The following HTT variants were observed in gnomAD, a reference collection of about 807,000 sequenced individuals.
The protein encoded by HTT is huntington disease protein.
In HTT, 104 loss-of-function variants were observed where a neutral mutation model predicts 362.3. The observed-to-expected ratio is 0.29, with a 90% CI of 0.24 to 0.34. The LOEUF (loss-of-function observed/expected upper bound fraction) is 0.34. HTT is among the 10% of genes least tolerant of loss of function. The pLI is 1.00. For missense variants in HTT, 3,301 were observed against 3,928.6 expected (o/e 0.84, Z 4.27); for synonymous variants, 1,577 against 1,548.7 (o/e 1.02, Z -0.43).
Position 3,222,460 on chromosome 4 carries a change from G to T in HTT, c.7443G>T (p.Val2481=). The change falls in exon 54 of 67, where the codon GTG becomes GTT. Residue 2481 remains valine, a synonymous_variant. Coordinates refer to ENST00000355072, the MANE Select transcript of HTT (RefSeq NM_001388492.1). The part of the protein sequence containing the change: ...LLGVLVTQPL[V]MEQEESPPEE... ...GTGTCCTGGTGACGCAGCCCCTCGT[G>T]ATGGAGCAGGAGGAGAGCCCACCAG... 2 of 1,614,148 alleles carry T rather than the reference G, an allele frequency of 1.2e-6. No individual in the cohort carries two copies. The highest frequency in any genetic ancestry group is 1.7e-6 in the Non-Finnish European group (2 of 1,180,050).
In HTT at chr4:3,175,149, T is replaced by C. The variant is rs1718181648; in HGVS notation, c.4407+42T>C. On this transcript the variant is annotated intron_variant, in intron 33 of 66. Transcript: ENST00000355072. ...TTTCATCCATCATACCTGTTCCTAA[T>C]TTAGTACAAATTACCCTAAAAGACA... is the stretch of plus-strand genomic sequence containing the variant. 4 of 1,551,566 alleles carry C rather than the reference T, an allele frequency of 2.6e-6. No homozygotes were observed. The African/African-American group carries it at 5.5e-5, about 21-fold the overall frequency.
intron 6 of HTT, among the ~76,000 whole-genome samples, chr4:3,111,193 C>CTTTTT (rs1161560027): frequency 3.7e-5 from 5 of 134,806 alleles, no homozygotes; most frequent in Non-Finnish European, 8.1e-5. Flanking sequence ...ATTTTCTTTA[C>CTTTTT]TTTTTTTTTT....
intron 18 of HTT, among the ~76,000 whole-genome samples, chr4:3,133,936 C>G (rs1159771495): frequency 6.6e-6 from 1 of 152,006 alleles, no homozygotes; most frequent in Non-Finnish European, 1.5e-5. Context: ...CCCCTGGGTG[C>G]TTGGGGCTGC....
At chr4:3,209,742 C>T (rs1484006286) in intron 46 of HTT, 85 bp from the exon 47 acceptor site, 4 of 1,549,626 alleles carry the variant, frequency 2.6e-6, no homozygotes, top group Non-Finnish European at 2.6e-6. Context: ...TTCCCAAGCA[C>T]TGGCCTAGGC....
At chr4:3,109,350 C>A (rs79156783) in intron 6 of HTT, among the ~76,000 whole-genome samples, 1 of 114,632 alleles carries the variant, frequency 8.7e-6, no homozygotes, top group African/African-American at 3.8e-5. Flanking sequence ...CCTCAGCCTC[C>A]TAGTAGCTGG....
At chr4:3,137,038 G>T (rs1184230729) in intron 21 of HTT, among the ~76,000 whole-genome samples, 6 of 151,678 alleles carry the variant, frequency 4.0e-5, no homozygotes, top group Non-Finnish European at 7.4e-5. Flanking sequence ...CTCCCGAGTA[G>T]CTGGGATTAC....
rs1553909074 is a variant in HTT, at chr4:3,074,966, G to GCCGCCT, written c.143_144insGCCTCC (p.Pro48_Pro49dup). 99 of 1,450,536 alleles carry GCCGCCT rather than the reference G, an allele frequency of 6.8e-5. 2 individuals carry two copies. In the African/African-American group the frequency reaches 1.3e-3, roughly 20 times the overall value. The allele number at this position is 1,450,536 out of a possible 1,614,324, so 89.9% of individuals were successfully genotyped here. A position where few individuals can be genotyped will look rare whatever the true frequency, so the allele number is the denominator to read the frequency against. ...CGCCACCGCCGCCGCCGCCGCCGCC[G>GCCGCCT]CCTCCTCAGCTTCCTCAGCCGCCGC... On this transcript the variant is annotated inframe_insertion, in exon 1 of 67. Transcript: ENST00000355072.
chr4:3,226,572 C>G (rs1445275319), intron 57 of HTT, among the ~76,000 whole-genome samples: 1 of 152,226 alleles, frequency 6.6e-6, no homozygotes, highest in African/African-American at 2.4e-5. Flanking sequence ...CTGTGCTGGC[C>G]GACTTGCACC....
At chr4:3,152,600 A>G (rs10155264) in intron 26 of HTT, among the ~76,000 whole-genome samples, 20,912 of 152,106 alleles carry the variant, frequency 0.14, 1,805 homozygotes, top group African/African-American at 0.25. Flanking sequence ...CTGTGACTCT[A>G]CGTCTTCTGG....
At chr4:3,116,388 G>A (rs185766680) in intron 8 of HTT, 125 bp downstream of exon 8, 10 of 781,740 alleles carry the variant, frequency 1.3e-5, no homozygotes, top group East Asian at 2.7e-5. Flanking sequence ...TGCGCTGCTC[G>A]TTTCCAACCC....
chr4:3,172,873 G>A (rs372306097), intron 30 of HTT, 35 bp from the exon 31 acceptor site: 23 of 1,403,380 alleles, frequency 1.6e-5, no homozygotes, highest in Admixed American at 1.2e-4. Flanking sequence ...TGTTGTTCAC[G>A]CCACATTGTT....
chr4:3,236,124 T>G (rs750113865), intron 63 of HTT, 25 bp from the exon 64 acceptor site: 2 of 1,555,314 alleles, frequency 1.3e-6, no homozygotes, highest in Non-Finnish European at 1.8e-6. Context: ...AGAGGTAACC[T>G]TCGTACTGAA....
At chr4:3,089,103 T>TTGAAA (rs976229162) in intron 2 of HTT, among the ~76,000 whole-genome samples, 2 of 152,258 alleles carry the variant, frequency 1.3e-5, no homozygotes, top group African/African-American at 4.8e-5. Context: ...TGGCTCATTT[T>TTGAAA]TGAAATGTAA....
intron 26 of HTT, among the ~76,000 whole-genome samples, chr4:3,151,380 GAGAA>G (rs1175103635): frequency 6.6e-6 from 1 of 151,968 alleles, no homozygotes; most frequent in Non-Finnish European, 1.5e-5. Flanking sequence ...GAGAGAGAGA[GAGAA>G]AAAGAAAGAT....
chr4:3,102,647 C>A (rs1714212557), intron 3 of HTT, among the ~76,000 whole-genome samples: 1 of 152,214 alleles, frequency 6.6e-6, no homozygotes, highest in South Asian at 2.1e-4. Context: ...AGTCCACTTA[C>A]ATCAACTGCC....
At chr4:3,091,335 A>C (rs1578489640) in intron 2 of HTT, among the ~76,000 whole-genome samples, 1 of 152,282 alleles carries the variant, frequency 6.6e-6, no homozygotes, top group East Asian at 1.9e-4. Context: ...TCTCTACCTC[A>C]TATTGCAAAC....
intron 29 of HTT, among the ~76,000 whole-genome samples, chr4:3,161,667 G>T (rs1399055280): frequency 6.6e-6 from 1 of 152,206 alleles, no homozygotes; most frequent in Non-Finnish European, 1.5e-5. Flanking sequence ...TTTCTCTAAT[G>T]ACCAGTGGTG....
At chr4:3,099,899 A>G (rs940847642) in intron 3 of HTT, among the ~76,000 whole-genome samples, 4 of 149,654 alleles carry the variant, frequency 2.7e-5, no homozygotes, top group Admixed American at 6.6e-5. Flanking sequence ...GCTCTGTTGT[A>G]TGGTTTGGAG....
chr4:3,190,875 G>C (rs1718982759), intron 40 of HTT, among the ~76,000 whole-genome samples: 1 of 152,178 alleles, frequency 6.6e-6, no homozygotes, highest in Non-Finnish European at 1.5e-5. Flanking sequence ...TAGTTCTAGG[G>C]GATAGGCACG....
Sources: allele counts gnomAD v4.1 joint callset (sites outside exome capture counted in the v4.1 genomes callset), GRCh38; gene constraint gnomAD v4.1.1; transcripts MANE v1.5; gene names NCBI Gene and HGNC (gene_info 2026-07-23, HGNC 2026-07-21).